Variants in JAKMIP3 observed in about 807,000 individuals in gnomAD.
The protein encoded by JAKMIP3 is Janus kinase and microtubule interacting protein 3.
JAKMIP3 carries 58 observed loss-of-function variants against 118.5 expected under a neutral mutation model. The observed-to-expected ratio is 0.49, with a 90% CI of 0.40 to 0.61. The LOEUF is 0.61. Among genes scored for constraint, JAKMIP3 ranks in the 20% least tolerant of loss-of-function variants. The pLI, the probability that JAKMIP3 is intolerant of heterozygous loss-of-function variation, is 0.00. For synonymous variants in JAKMIP3, 486 were observed against 451.2 expected, an observed-to-expected ratio of 1.08 and a Z score of -0.98; for missense variants, 950 against 1,109.0, an observed-to-expected ratio of 0.86 and a Z score of 2.04.
intron 23 of JAKMIP3, among the ~76,000 whole-genome samples, chr10:132,174,002 AGT>A (rs1392175779): frequency 2.1e-5 from 2 of 94,610 alleles, no homozygotes; most frequent in Non-Finnish European, 4.4e-5. Flanking sequence ...TGTCTGTGGT[AGT>A]GTGTGGTGTG....
intron 1 of JAKMIP3, among the ~76,000 whole-genome samples, chr10:132,045,630 T>C (rs1331131163): frequency 6.6e-6 from 1 of 152,220 alleles, no homozygotes; most frequent in Non-Finnish European, 1.5e-5. Context: ...TAATTCTTTA[T>C]TTCAAGAATA....
intron 3 of JAKMIP3, among the ~76,000 whole-genome samples, chr10:132,125,194 T>C (rs11815511): frequency 0.082 from 12,545 of 152,346 alleles, 581 homozygotes; most frequent in Non-Finnish European, 0.1. Context: ...AGATGCCTTA[T>C]TGTTTTTCTC....
At chr10:132,052,030 T>G (rs2038119415) in intron 1 of JAKMIP3, among the ~76,000 whole-genome samples, 1 of 152,196 alleles carries the variant, frequency 6.6e-6, no homozygotes, top group Non-Finnish European at 1.5e-5. Context: ...GAAACCAGCC[T>G]GGGCAACATA....
intron 1 of JAKMIP3, among the ~76,000 whole-genome samples, chr10:132,039,597 G>T (rs1383366006): frequency 6.6e-6 from 1 of 152,180 alleles, no homozygotes; most frequent in Non-Finnish European, 1.5e-5. Context: ...CCTGGCAGAG[G>T]TCTCTTAGTA....
intron 2 of JAKMIP3, among the ~76,000 whole-genome samples, chr10:132,111,352 C>G (rs868543168): frequency 2.6e-5 from 4 of 151,704 alleles, no homozygotes; most frequent in African/African-American, 7.3e-5. Flanking sequence ...AGCAGAGACC[C>G]CCCCCATGAG....
At chr10:132,081,771 G>C (rs4880323) in intron 1 of JAKMIP3, among the ~76,000 whole-genome samples, 3 of 151,654 alleles carry the variant, frequency 2.0e-5, no homozygotes, top group African/African-American at 7.3e-5. Context: ...GGAGTCTTGG[G>C]GGGAGACGTG....
At chr10:132,145,460 A>G in intron 12 of JAKMIP3, 58 bp from the exon 13 acceptor site, 1 of 1,444,826 alleles carries the variant, frequency 6.9e-7, no homozygotes, top group East Asian at 2.5e-5. Context: ...CACGATTTAA[A>G]CGTTGGTTTA....
At chr10:132,089,134 A>G (rs1168412112) in intron 1 of JAKMIP3, among the ~76,000 whole-genome samples, 5 of 152,070 alleles carry the variant, frequency 3.3e-5, no homozygotes, top group African/African-American at 9.7e-5. Context: ...TTTGAAGTCA[A>G]GTAGTGTGAT....
chr10:132,126,069 A>G (rs2049481924), intron 3 of JAKMIP3, among the ~76,000 whole-genome samples: 1 of 152,126 alleles, frequency 6.6e-6, no homozygotes, highest in Non-Finnish European at 1.5e-5. Context: ...CTCATCCCGA[A>G]GACAGTTTAA....
At chr10:132,127,064 A>G (rs2814185) in intron 3 of JAKMIP3, among the ~76,000 whole-genome samples, 119,587 of 152,030 alleles carry the variant, frequency 0.79, 48,073 homozygotes, top group East Asian at 0.99. Flanking sequence ...TATTTGGGTC[A>G]GGAGTTTTGT....
intron 2 of JAKMIP3, among the ~76,000 whole-genome samples, chr10:132,114,167 G>A (rs142513375): frequency 3.3e-5 from 5 of 152,328 alleles, no homozygotes; most frequent in South Asian, 2.1e-4. Context: ...CTGACTACCC[G>A]ACTGATGAGA....
At chr10:132,134,929 TA>T in intron 4 of JAKMIP3, 111 bp from the exon 5 acceptor site, 1 of 1,332,316 alleles carries the variant, frequency 7.5e-7, no homozygotes, top group Non-Finnish European at 1.0e-6. Flanking sequence ...CGCGTGGAGG[TA>T]AAGGCGCGCG....
intron 1 of JAKMIP3, among the ~76,000 whole-genome samples, chr10:132,071,737 C>T (rs2039883388): frequency 6.6e-6 from 1 of 152,082 alleles, no homozygotes. Flanking sequence ...TTATTTTTAA[C>T]CTGTCTATGC....
chr10:132,135,907 T>C (rs1411106678), intron 5 of JAKMIP3, 23 bp from the exon 6 acceptor site: 2 of 1,603,568 alleles, frequency 1.2e-6, no homozygotes, highest in African/African-American at 2.7e-5. Flanking sequence ...TAAAGAACAA[T>C]CACATAGTGC....
intron 4 of JAKMIP3, among the ~76,000 whole-genome samples, chr10:132,133,889 C>T (rs2051164812): frequency 6.6e-6 from 1 of 152,272 alleles, no homozygotes; most frequent in Admixed American, 6.5e-5. Context: ...CTGCCACCAT[C>T]TCCAAGCACA....
intron 23 of JAKMIP3, among the ~76,000 whole-genome samples, chr10:132,176,184 G>A (rs1408826051): frequency 2.6e-5 from 4 of 152,266 alleles, no homozygotes; most frequent in African/African-American, 9.6e-5. Context: ...GCCGCAAGAG[G>A]GAACGGGGAG....
intron 8 of JAKMIP3, 81 bp downstream of exon 8, chr10:132,137,370 C>T (rs923247007): frequency 6.5e-7 from 1 of 1,545,276 alleles, no homozygotes. Flanking sequence ...GCCCAGGGCT[C>T]CTCACAGACC....
At position 132,039,704 on chromosome 10, in the gene JAKMIP3, G is replaced by A. The variant is rs368568273; in HGVS notation, c.-138+2966G>A. Among the ~76,000 whole-genome samples, 53 of 152,334 alleles carry A rather than the reference G, an allele frequency of 3.5e-4. 2 individuals carry two copies. The South Asian group carries it at 0.011, about 30-fold the overall frequency. On this transcript the variant is annotated intron_variant, in intron 1 of 23. Transcript: ENST00000657785. Reference sequence around the variant, plus strand: ...AGGTCTGAAAATCTGGCTGGCCCCCGATTCCCTACAGCGGCATCCAGCAAA... The same window carrying A: ...AGGTCTGAAAATCTGGCTGGCCCCCAATTCCCTACAGCGGCATCCAGCAAA...
intron 5 of JAKMIP3, 77 bp from the exon 6 acceptor site, chr10:132,135,853 C>T: frequency 6.8e-7 from 1 of 1,464,984 alleles, no homozygotes; most frequent in Non-Finnish European, 9.2e-7. Flanking sequence ...AAGCTGTGGT[C>T]AGTCAGCCGA....
Sources: allele counts gnomAD v4.1 joint callset (sites outside exome capture counted in the v4.1 genomes callset), GRCh38; gene constraint gnomAD v4.1.1; transcripts MANE v1.5; gene names NCBI Gene and HGNC (gene_info 2026-07-23, HGNC 2026-07-21).